Variants in ABCA13 observed in about 807,000 individuals in gnomAD.
ABCA13 encodes the protein ATP binding cassette subfamily A member 13, also known as ATP-binding cassette sub-family A member 13.
In ABCA13, 476 loss-of-function variants were observed where a neutral mutation model predicts 478.7. That is an observed-to-expected ratio of 0.99 (90% confidence interval 0.92 to 1.07). The LOEUF (loss-of-function observed/expected upper bound fraction) is 1.07. Ranked by LOEUF, ABCA13 falls within the 50% of genes least tolerant of loss-of-function variation. The probability of loss-of-function intolerance (pLI) is 0.00; values close to 1 mark genes in which losing one functional copy is unlikely to be tolerated. For missense variants in ABCA13, 6,060 were observed against 5,910.6 expected, an observed-to-expected ratio of 1.03 and a Z score of -0.83; for synonymous variants, 2,252 against 2,158.9, an observed-to-expected ratio of 1.04 and a Z score of -1.20.
intron 53 of ABCA13, among the ~76,000 whole-genome samples, chr7:48,523,950 T>C (rs886382913): frequency 1.3e-5 from 2 of 152,218 alleles, no homozygotes; most frequent in Non-Finnish European, 2.9e-5. Context: ...TTTTAACATT[T>C]AGTACAATTA....
intron 3 of ABCA13, among the ~76,000 whole-genome samples, chr7:48,202,024 G>A (rs530632188): frequency 2.0e-5 from 3 of 152,048 alleles, no homozygotes; most frequent in South Asian, 4.2e-4. Context: ...CGGTGGGCTC[G>A]TGGTCTCGCT....
At chr7:48,540,163 T>A (rs1241062783) in intron 55 of ABCA13, among the ~76,000 whole-genome samples, 1 of 152,156 alleles carries the variant, frequency 6.6e-6, no homozygotes, top group Non-Finnish European at 1.5e-5. Flanking sequence ...GATATTTTTG[T>A]TGAATTTGGA....
At chr7:48,477,582 C>T (rs1330892406) in intron 45 of ABCA13, among the ~76,000 whole-genome samples, 6 of 152,192 alleles carry the variant, frequency 3.9e-5, no homozygotes, top group Non-Finnish European at 7.4e-5. Flanking sequence ...GAGTTCATGT[C>T]TTTTGTAGGG....
chr7:48,385,651 T>C (rs1376646495), intron 35 of ABCA13, among the ~76,000 whole-genome samples: 1 of 152,192 alleles, frequency 6.6e-6, no homozygotes, highest in African/African-American at 2.4e-5. Flanking sequence ...AATAAGATGA[T>C]ATATATTCCT....
chr7:48,561,375 G>T (rs962994702), intron 55 of ABCA13, among the ~76,000 whole-genome samples: 1 of 151,828 alleles, frequency 6.6e-6, no homozygotes, highest in Non-Finnish European at 1.5e-5. Flanking sequence ...AGCATGTAAG[G>T]GTTCCCTTTT....
At position 48,275,632 on chromosome 7, in the gene ABCA13, A is replaced by G. The variant is rs779115326; in HGVS notation, c.5966A>G (p.Asp1989Gly). 21 of 1,605,868 alleles carry G rather than the reference A, an allele frequency of 1.3e-5. No individual in the cohort carries two copies. In the Admixed American group the frequency reaches 1.7e-4, roughly 13 times the overall value. ...AACAAGATCCTTAACATTAATGAAG[A>G]CACAGAGACATCTGTTCAAAATATT... ...SLNKILNINE[D>G]TETSVQNIIS... The change falls in exon 17 of 62, where the codon GAC (aspartate) becomes GGC (glycine). Residue 1989 changes from aspartate to glycine, a missense_variant. Coordinates refer to ENST00000435803, the MANE Select transcript of ABCA13 (RefSeq NM_152701.5).
At chr7:48,592,922 C>G (rs1789900605) in intron 57 of ABCA13, among the ~76,000 whole-genome samples, 1 of 151,814 alleles carries the variant, frequency 6.6e-6, no homozygotes, top group Non-Finnish European at 1.5e-5. Flanking sequence ...CTTGGAGTAT[C>G]TTTACCTATT....
intron 53 of ABCA13, among the ~76,000 whole-genome samples, chr7:48,523,618 GT>G (rs1279226363): frequency 6.6e-6 from 1 of 151,812 alleles, no homozygotes; most frequent in African/African-American, 2.4e-5. Context: ...GCATATTATA[GT>G]TTATAGGGGA....
chr7:48,419,335 C>A (rs1820432091), intron 41 of ABCA13, among the ~76,000 whole-genome samples: 2 of 152,132 alleles, frequency 1.3e-5, no homozygotes, highest in Non-Finnish European at 2.9e-5. Context: ...GTACTTTACC[C>A]ATTCATATTC....
intron 58 of ABCA13, among the ~76,000 whole-genome samples, chr7:48,607,458 G>A (rs1462042093): frequency 6.6e-6 from 1 of 152,142 alleles, no homozygotes; most frequent in Non-Finnish European, 1.5e-5. Context: ...CGATCTCTCT[G>A]GGTGCTGCAG....
intron 21 of ABCA13, among the ~76,000 whole-genome samples, chr7:48,296,524 A>G (rs1322333955): frequency 1.3e-5 from 2 of 149,168 alleles, no homozygotes; most frequent in African/African-American, 2.5e-5. Flanking sequence ...CAGTGGCGCG[A>G]TCTCGGCTCA....
intron 45 of ABCA13, among the ~76,000 whole-genome samples, chr7:48,477,127 GGGC>G (rs1828187567): frequency 6.6e-6 from 1 of 152,020 alleles, no homozygotes; most frequent in Non-Finnish European, 1.5e-5. Flanking sequence ...TTTGGTGGGG[GGGC>G]GGTCAATATT....
chr7:48,235,431 A>G (rs1789799964), intron 8 of ABCA13, among the ~76,000 whole-genome samples: 1 of 152,246 alleles, frequency 6.6e-6, no homozygotes, highest in South Asian at 2.1e-4. Context: ...TAGAATTAAA[A>G]GGAAAGTGAT....
chr7:48,494,487 C>A (rs1351851745), intron 48 of ABCA13, among the ~76,000 whole-genome samples: 1 of 152,038 alleles, frequency 6.6e-6, no homozygotes, highest in African/African-American at 2.4e-5. Flanking sequence ...AAGGGGCACC[C>A]TGGTAAGGGA....
chr7:48,640,096 A>G (rs1284728103), intron 59 of ABCA13, among the ~76,000 whole-genome samples: 1 of 152,230 alleles, frequency 6.6e-6, no homozygotes, highest in African/African-American at 2.4e-5. Context: ...TACTGAGTCT[A>G]TGATTTTCTA....
intron 48 of ABCA13, among the ~76,000 whole-genome samples, chr7:48,505,850 G>A (rs1563365201): frequency 6.6e-6 from 1 of 152,206 alleles, no homozygotes; most frequent in East Asian, 1.9e-4. Flanking sequence ...GCCCAAGAAA[G>A]CAAACAAAGC....
chr7:48,313,134 C>T lies in ABCA13; in HGVS notation c.9584C>T (p.Ala3195Val). The T allele has an allele frequency of 7.4e-6, 12 of 1,613,174 alleles. No homozygotes were observed. Among genetic ancestry groups the T allele is most frequent in the Non-Finnish European group, 1.0e-5 (12 of 1,179,518 alleles). The stretch of plus-strand genomic sequence containing the variant: ...CTGGATATAGTTTCCAGCCTCAGCG[C>T]CTTGCTTGCCAAAGCCCAGCACGTC... ...SLLDIVSSLS[A>V]LLAKAQHVFE... The change falls in exon 25 of 62, where the codon GCC becomes GTC. Residue 3195 changes from alanine (A) to valine (V), a missense_variant. Ala to Val is a moderately conservative substitution (Grantham distance 64). Around this residue, in one of 3 missense-constraint regions of ABCA13, gnomAD observed 4,423 missense variants for 4,309.1 expected, o/e 1.03. Transcript: ENST00000435803.
At chr7:48,353,098 T>C (rs1809310921) in intron 31 of ABCA13, among the ~76,000 whole-genome samples, 2 of 151,810 alleles carry the variant, frequency 1.3e-5, no homozygotes, top group Admixed American at 1.3e-4. Context: ...GCAGGGGATG[T>C]TTGCAGAGAG....
intron 13 of ABCA13, among the ~76,000 whole-genome samples, chr7:48,246,544 G>A (rs1584420277): frequency 1.3e-5 from 2 of 152,160 alleles, no homozygotes; most frequent in East Asian, 3.9e-4. Flanking sequence ...TTCTTACTGA[G>A]AATTAAAATT....
Sources: allele counts gnomAD v4.1 joint callset (sites outside exome capture counted in the v4.1 genomes callset), GRCh38; gene constraint gnomAD v4.1.1; regional missense constraint gnomAD v4.1.1; transcripts MANE v1.5; gene names NCBI Gene and HGNC (gene_info 2026-07-23, HGNC 2026-07-21).